Variants in WASHC5 observed in about 807,000 individuals in gnomAD.
WASHC5 encodes WASH complex subunit strumpellin.
In WASHC5, 101 loss-of-function variants were observed where a neutral mutation model predicts 150.4. That is an observed-to-expected ratio of 0.67 (90% CI 0.57 to 0.79). WASHC5 has a LOEUF of 0.79. Ranked by LOEUF, WASHC5 falls within the 30% of genes least tolerant of loss-of-function variation. WASHC5 has a pLI of 0.00. For synonymous variants in WASHC5, 467 were observed against 491.2 expected (o/e 0.95, Z 0.65); for missense variants, 1,195 against 1,396.3 (o/e 0.86, Z 2.30).
chr8:125,089,408 G>C (rs1013318823), intron 1 of WASHC5, among the ~76,000 whole-genome samples: 3 of 152,038 alleles, frequency 2.0e-5, no homozygotes, highest in Non-Finnish European at 4.4e-5. Context: ...AAAAAAAATC[G>C]CAAAAAAATC....
chr8:125,083,811 A>G lies in WASHC5; in HGVS notation c.88T>C (p.Leu30=), dbSNP rs536429252. ...GCAGGAATAAACTCAGAGAGTCTCA[A>G]AAGTTCAGCAATGATGGCATTACCA... ...SCGNAIIAEL[L]RLSEFIPAVF... Residue 30 remains leucine (L), a synonymous_variant, in exon 2 of 29, where the codon TTG becomes CTG. Coordinates refer to ENST00000318410, the MANE Select transcript of WASHC5 (RefSeq NM_014846.4). The G allele has an allele frequency of 5.4e-5, 87 of 1,614,054 alleles. No homozygotes were observed. The South Asian group carries it at 7.9e-4, about 15-fold the overall frequency.
At position 125,075,195 on chromosome 8, in the gene WASHC5, A is replaced by G. The variant is rs2009959; in HGVS notation, c.865-84T>C. The G allele has an allele frequency of 0.061, 51,344 of 844,954 alleles. 4,404 individuals carry two copies. The highest frequency in any genetic ancestry group is 0.31 in the African/African-American group (18,514 of 59,916). The allele number at this position is 844,954 out of a possible 1,614,324, so 52.3% of individuals were successfully genotyped here. ...GAATACTAAAGTTATAGAAGGCAATACCCACTCCATGTTTAAATTCCATTC... is the reference window on the plus strand; with the variant it reads ...GAATACTAAAGTTATAGAAGGCAATGCCCACTCCATGTTTAAATTCCATTC... On this transcript the variant is annotated intron_variant, in intron 7 of 28. Coordinates refer to ENST00000318410, the MANE Select transcript of WASHC5 (RefSeq NM_014846.4).
chr8:125,047,468 C>T lies in WASHC5; in HGVS notation c.2380-137G>A, dbSNP rs369184593. On this transcript the variant is annotated intron_variant, in intron 19 of 28. Transcript: ENST00000318410. Reference sequence around the variant, plus strand: ...TGTTTTTTTTTTTTAGATGGAGTCTCGCTCTGTCCCCCAGGCTGGAGTGCA... The same window carrying T: ...TGTTTTTTTTTTTTAGATGGAGTCTTGCTCTGTCCCCCAGGCTGGAGTGCA... The T allele has an allele frequency of 6.6e-5, 53 of 798,468 alleles. No individual in the cohort carries two copies. The African/African-American group carries it at 8.2e-4, about 12-fold the overall frequency. The allele number at this position is 798,468 out of a possible 1,614,324, so 49.5% of individuals were successfully genotyped here. A position where few individuals can be genotyped will look rare whatever the true frequency, so the allele number is the denominator to read the frequency against.
At chr8:125,065,770 C>T (rs775186114) in intron 10 of WASHC5, among the ~76,000 whole-genome samples, 12 of 152,114 alleles carry the variant, frequency 7.9e-5, no homozygotes, top group Non-Finnish European at 1.6e-4. Flanking sequence ...GCACGCGCCA[C>T]TGCACCCAGC....
chr8:125,054,359 A>C (rs1457556301), intron 17 of WASHC5, among the ~76,000 whole-genome samples: 1 of 152,262 alleles, frequency 6.6e-6, no homozygotes, highest in Non-Finnish European at 1.5e-5. Context: ...GCACATGCAC[A>C]CATCAAATAA....
At chr8:125,029,892 G>A (rs1288045982) in intron 27 of WASHC5, among the ~76,000 whole-genome samples, 1 of 152,168 alleles carries the variant, frequency 6.6e-6, no homozygotes, top group Non-Finnish European at 1.5e-5. Context: ...GACTGTACCT[G>A]GAAAAATTCT....
intron 19 of WASHC5, among the ~76,000 whole-genome samples, chr8:125,047,541 G>A (rs1247198034): frequency 6.6e-6 from 1 of 151,470 alleles, no homozygotes; most frequent in African/African-American, 2.4e-5. Context: ...GGGTGCAAGC[G>A]ATTCTTTTGC....
intron 14 of WASHC5, among the ~76,000 whole-genome samples, chr8:125,058,281 G>A (rs1026578895): frequency 6.6e-6 from 1 of 152,090 alleles, no homozygotes; most frequent in African/African-American, 2.4e-5. Context: ...GCGCAGTGGT[G>A]CATGCCTATA....
intron 14 of WASHC5, 38 bp from the exon 15 acceptor site, chr8:125,057,704 A>G: frequency 3.1e-6 from 4 of 1,283,654 alleles, no homozygotes; most frequent in Middle Eastern, 3.7e-4. Context: ...TCTTGTTTCA[A>G]AAAGAGTCCT....
chr8:125,055,684 A>C lies in WASHC5; in HGVS notation c.2017-13T>G, dbSNP rs74458977. 6.6e-7 allele frequency: 1 copy of C among 1,513,318 alleles called. No individual in the cohort carries two copies. The highest frequency in any genetic ancestry group is 9.2e-7 in the Non-Finnish European group (1 of 1,088,468). 93.7% of individuals were successfully genotyped at this position (1,513,318 alleles called of 1,614,324 possible). ...TAAGCTTGGCAACCTATAACAAAGA[A>C]AAAGAGGTATGAAAAATCACTGTCT... is the stretch of plus-strand genomic sequence containing the variant. On this transcript the variant is annotated splice_polypyrimidine_tract_variant and intron_variant, in intron 16 of 28. Coordinates refer to ENST00000318410, the MANE Select transcript of WASHC5 (RefSeq NM_014846.4).
Position 125,079,116 on chromosome 8 carries a change from G to GTATATA in WASHC5, c.519-192_519-187dup, listed in dbSNP as rs57043871. Among the ~76,000 whole-genome samples the GTATATA allele has an allele frequency of 0.018, 1,794 of 97,864 alleles. 57 individuals carry two copies. Among genetic ancestry groups the GTATATA allele is most frequent in the African/African-American group, 0.055 (1,198 of 21,738 alleles). 64.2% of individuals were successfully genotyped at this position (97,864 alleles called of 152,430 possible). A position where few individuals can be genotyped will look rare whatever the true frequency, so the allele number is the denominator to read the frequency against. On this transcript the variant is annotated intron_variant, in intron 5 of 28. Coordinates refer to ENST00000318410, the MANE Select transcript of WASHC5 (RefSeq NM_014846.4). ...TGTGTATATATATGTGTGTGTGTGT[G>GTATATA]TATATATATATATATATATATATAC... is the stretch of plus-strand genomic sequence containing the variant.
At chr8:125,047,955 T>TC (rs1430786407) in intron 19 of WASHC5, among the ~76,000 whole-genome samples, 1 of 152,146 alleles carries the variant, frequency 6.6e-6, no homozygotes, top group Non-Finnish European at 1.5e-5. Context: ...CAAGCAATCC[T>TC]CCCACCTGAG....
At chr8:125,037,375 T>C (rs376893034) in intron 25 of WASHC5, 42 bp from the exon 26 acceptor site, 3 of 1,116,634 alleles carry the variant, frequency 2.7e-6, no homozygotes, top group Non-Finnish European at 4.1e-6. Flanking sequence ...TTAAATCACA[T>C]TGCACAATAC....
intron 6 of WASHC5, 43 bp downstream of exon 6, chr8:125,078,695 C>T (rs1391015364): frequency 2.1e-6 from 3 of 1,440,756 alleles, no homozygotes; most frequent in Admixed American, 3.4e-5. Flanking sequence ...TGAAATCAGT[C>T]TGTTAAACTG....
intron 23 of WASHC5, among the ~76,000 whole-genome samples, chr8:125,040,260 A>C (rs930175481): frequency 6.6e-6 from 1 of 152,188 alleles, no homozygotes; most frequent in Admixed American, 6.5e-5. Context: ...TGCTGTGAGA[A>C]GTCTTACTTA....
At chr8:125,062,589 C>T (rs1816628884) in intron 11 of WASHC5, among the ~76,000 whole-genome samples, 1 of 152,084 alleles carries the variant, frequency 6.6e-6, no homozygotes, top group Non-Finnish European at 1.5e-5. Flanking sequence ...TATATCACAT[C>T]GTTATACGTT....
chr8:125,036,316 C>G (rs1161452557), intron 26 of WASHC5, among the ~76,000 whole-genome samples: 1 of 152,188 alleles, frequency 6.6e-6, no homozygotes, highest in African/African-American at 2.4e-5. Context: ...AAAGGTCCCT[C>G]ACATTCTACA....
chr8:125,025,869 G>C (rs915290781), intron 28 of WASHC5, among the ~76,000 whole-genome samples: 2 of 125,804 alleles, frequency 1.6e-5, no homozygotes, highest in African/African-American at 8.6e-5. Flanking sequence ...ATCAAAATTA[G>C]GATCACATAA....
chr8:125,068,220 T>C (rs1300931317), intron 9 of WASHC5, among the ~76,000 whole-genome samples: 1 of 152,208 alleles, frequency 6.6e-6, no homozygotes, highest in Non-Finnish European at 1.5e-5. Flanking sequence ...GCTGCCATCA[T>C]TTTGAGAACT....
Sources: gnomAD v4.1 joint callset for allele counts (sites outside exome capture counted in the v4.1 genomes callset) on GRCh38, gnomAD v4.1.1 for gene constraint, MANE v1.5 for transcripts, NCBI Gene and HGNC (gene_info 2026-07-23, HGNC 2026-07-21) for gene names.